Variants in ITPR1 observed in about 807,000 individuals in gnomAD.
ITPR1 encodes the protein inositol 1,4,5-trisphosphate receptor type 1, also known as inositol 1,4,5-trisphosphate-gated calcium channel ITPR1.
Under a neutral mutation model 318.4 loss-of-function variants are expected in ITPR1, and 96 were observed. The ratio of observed to expected loss-of-function variants is 0.30; its 90% CI spans 0.26 to 0.36. The LOEUF (loss-of-function observed/expected upper bound fraction) is 0.36, where lower values mean the gene tolerates loss of function less well. ITPR1 is among the 10% of genes least tolerant of loss of function. The pLI, the probability that ITPR1 is intolerant of heterozygous loss-of-function variation, is 1.00. For synonymous variants in ITPR1, 1,312 were observed against 1,289.9 expected, an observed-to-expected ratio of 1.02 and a Z score of -0.37; for missense variants, 2,440 against 3,460.2, an observed-to-expected ratio of 0.71 and a Z score of 7.40.
At chr3:4,831,162 CTCTCTCTG>C (rs2050482102) in intron 60 of ITPR1, 1 of 377,816 alleles carries the variant, frequency 2.6e-6, no homozygotes, top group Admixed American at 3.3e-5. Context: ...CACTCACTCC[CTCTCTCTG>C]TCTCTCTCCC....
At chr3:4,746,868 C>G (rs554183858) in intron 44 of ITPR1, among the ~76,000 whole-genome samples, 1 of 152,242 alleles carries the variant, frequency 6.6e-6, no homozygotes, top group Non-Finnish European at 1.5e-5. Flanking sequence ...CACCCACTAA[C>G]TCGCCCAAGG....
At chr3:4,813,034 G>T (rs45562739) in intron 56 of ITPR1, 108 bp from the exon 57 acceptor site, 8 of 807,088 alleles carry the variant, frequency 9.9e-6, no homozygotes, top group Non-Finnish European at 1.5e-5. Flanking sequence ...AGATTCTAGG[G>T]TGTTATTTAT....
At chr3:4,833,176 T>G (rs1305779093) in intron 60 of ITPR1, among the ~76,000 whole-genome samples, 1 of 152,202 alleles carries the variant, frequency 6.6e-6, no homozygotes, top group Non-Finnish European at 1.5e-5. Context: ...ATTTATTTGT[T>G]CAAAGACCCT....
At chr3:4,531,708 T>A (rs1349488303) in intron 4 of ITPR1, among the ~76,000 whole-genome samples, 2 of 152,200 alleles carry the variant, frequency 1.3e-5, no homozygotes, top group Admixed American at 1.3e-4. Flanking sequence ...ATGTCCTGTT[T>A]CTTCTGCCTG....
At chr3:4,508,524 A>G (rs968240859) in intron 2 of ITPR1, among the ~76,000 whole-genome samples, 1 of 147,812 alleles carries the variant, frequency 6.8e-6, no homozygotes, top group Admixed American at 6.8e-5. Context: ...GAACTAATAG[A>G]TGGAAAAATT....
chr3:4,756,805 G>T (rs12490375), intron 44 of ITPR1, among the ~76,000 whole-genome samples: 49,057 of 152,132 alleles, frequency 0.32, 8,453 homozygotes, highest in Non-Finnish European at 0.39. Flanking sequence ...CTGGATGCAA[G>T]TTGGACACTA....
chr3:4,765,064 T>TAAAAG (rs3838621), intron 44 of ITPR1, among the ~76,000 whole-genome samples: 63,336 of 149,290 alleles, frequency 0.42, 14,229 homozygotes, highest in East Asian at 0.85. Context: ...GCAGGAAACC[T>TAAAAG]AAAAGAAAAG....
intron 15 of ITPR1, 35 bp downstream of exon 15, chr3:4,662,277 C>T: frequency 6.8e-7 from 1 of 1,475,734 alleles, no homozygotes; most frequent in Non-Finnish European, 9.0e-7. Context: ...CAGCCGCCCT[C>T]CCGCACTGAG....
At position 4,759,135 on chromosome 3, in the gene ITPR1, G is replaced by A. The variant is rs901883744; in HGVS notation, c.5545-7395G>A. The stretch of plus-strand genomic sequence containing the variant: ...TCTCCCTGCTGTCACCGAGGTGGCC[G>A]TCACTGTCCACTAGCCCCTAACCTC... On this transcript the variant is annotated intron_variant, in intron 44 of 61. Transcript: ENST00000649015. Among the ~76,000 whole-genome samples, 5 of 152,174 alleles carry A rather than the reference G, an allele frequency of 3.3e-5. No homozygotes were observed. The South Asian group carries it at 6.2e-4, about 19-fold the overall frequency.
chr3:4,806,355 AATGGT>A (rs1468159730), intron 55 of ITPR1, 88 bp downstream of exon 55: 1 of 1,288,192 alleles, frequency 7.8e-7, no homozygotes, highest in African/African-American at 1.5e-5. Context: ...CCTTCCTTTT[AATGGT>A]GATTGGTGTG....
intron 41 of ITPR1, among the ~76,000 whole-genome samples, 187 bp from the exon 42 acceptor site, chr3:4,726,939 C>T (rs1015220231): frequency 7.2e-5 from 11 of 152,112 alleles, no homozygotes; most frequent in African/African-American, 2.4e-4. Flanking sequence ...ATGGGACAGT[C>T]GTTAAGCAGC....
At chr3:4,669,035 A>G (rs566893626) in intron 18 of ITPR1, among the ~76,000 whole-genome samples, 23 of 152,336 alleles carry the variant, frequency 1.5e-4, no homozygotes, top group African/African-American at 5.5e-4. Context: ...AATGATTACA[A>G]TGGAGCACGG....
In ITPR1 at chr3:4,663,146, C is replaced by T. The variant is rs1174735374; in HGVS notation, c.1494C>T (p.Val498=). 6.2e-7 allele frequency: 1 copy of T among 1,613,760 alleles called. No homozygotes were observed. The highest frequency in any genetic ancestry group is 1.6e-4 in the Middle Eastern group (1 of 6,062). ...TNSGQDVLEV[V]FSKPNRERQK... Reference sequence around the variant, plus strand: ...CTGGTCAAGATGTTCTCGAAGTTGTCTTCTCCAAGCCCAACAGAGAACGGC... The same window carrying T: ...CTGGTCAAGATGTTCTCGAAGTTGTTTTCTCCAAGCCCAACAGAGAACGGC... The change falls in exon 16 of 62, where the codon GTC becomes GTT. Residue 498 remains valine (V), a synonymous_variant. Transcript: ENST00000649015.
chr3:4,619,872 C>G (rs2092558610), intron 4 of ITPR1, among the ~76,000 whole-genome samples: 1 of 147,456 alleles, frequency 6.8e-6, no homozygotes, highest in Non-Finnish European at 1.5e-5. Flanking sequence ...TTTCCTCTTC[C>G]CCTTCCATTT....
chr3:4,688,241 C>T (rs1233139940), intron 30 of ITPR1, among the ~76,000 whole-genome samples: 1 of 140,534 alleles, frequency 7.1e-6, no homozygotes, highest in Non-Finnish European at 1.6e-5. Context: ...GGATAATGGA[C>T]TCATGGATGC....
At chr3:4,730,267 C>G (rs2042817017) in intron 42 of ITPR1, among the ~76,000 whole-genome samples, 1 of 121,924 alleles carries the variant, frequency 8.2e-6, no homozygotes, top group Non-Finnish European at 1.7e-5. Context: ...TTCTTCCTTG[C>G]AGTTTAATTG....
intron 4 of ITPR1, among the ~76,000 whole-genome samples, chr3:4,539,491 T>A (rs2084211201): frequency 6.6e-6 from 1 of 152,210 alleles, no homozygotes; most frequent in Admixed American, 6.5e-5. Flanking sequence ...AAATTTTCTA[T>A]TAATATTTTG....
chr3:4,695,461 C>G (rs1195949173), intron 33 of ITPR1, among the ~76,000 whole-genome samples: 1 of 152,074 alleles, frequency 6.6e-6, no homozygotes, highest in Non-Finnish European at 1.5e-5. Flanking sequence ...ACTGCAAGAA[C>G]GATAGAACGA....
chr3:4,732,358 ACT>A (rs2042985124), intron 42 of ITPR1, among the ~76,000 whole-genome samples: 1 of 152,064 alleles, frequency 6.6e-6, no homozygotes, highest in African/African-American at 2.4e-5. Flanking sequence ...CTCATTCATA[ACT>A]CTGCTTCAAC....
Sources: allele counts gnomAD v4.1 joint callset (sites outside exome capture counted in the v4.1 genomes callset), GRCh38; gene constraint gnomAD v4.1.1; transcripts MANE v1.5; gene names NCBI Gene and HGNC (gene_info 2026-07-23, HGNC 2026-07-21).